BYSL: variants seen among roughly 807,000 people sequenced by gnomAD.
BYSL encodes bystin.
In BYSL, 21 loss-of-function variants were observed where a neutral mutation model predicts 45.4. The observed-to-expected ratio is 0.46, with a 90% confidence interval of 0.33 to 0.67. The LOEUF (loss-of-function observed/expected upper bound fraction) is 0.67. Among genes scored for constraint, BYSL ranks in the 30% least tolerant of loss-of-function variants. The pLI is 0.02. For synonymous variants in BYSL, 215 were observed against 231.3 expected, an observed-to-expected ratio of 0.93 and a Z score of 0.64; for missense variants, 522 against 578.5, an observed-to-expected ratio of 0.90 and a Z score of 1.00.
chr6:41,931,348 C>T (rs1239557187), intron 4 of BYSL, 48 bp from the exon 5 acceptor site: 2 of 1,605,954 alleles, frequency 1.2e-6, no homozygotes, highest in Admixed American at 1.7e-5. Context: ...TGGGCCGGGT[C>T]CAGACTGTCG....
the BYSL span, among the ~76,000 whole-genome samples, chr6:41,916,310 T>A: frequency 6.6e-6 from 1 of 151,438 alleles, no homozygotes; most frequent in East Asian, 1.9e-4. Context: ...CCGGGCACAG[T>A]GGCTCACGCC....
At chr6:41,911,465 AC>A in the BYSL span, among the ~76,000 whole-genome samples, 3 of 152,088 alleles carry the variant, frequency 2.0e-5, no homozygotes, top group South Asian at 6.2e-4. Context: ...TAGGCTAAAA[AC>A]TTTTTGAAAG....
chr6:41,917,260 C>T (rs1392495392), upstream of BYSL, among the ~76,000 whole-genome samples: 1 of 152,032 alleles, frequency 6.6e-6, no homozygotes, highest in African/African-American at 2.4e-5. Context: ...ATTAGCTGGG[C>T]GTGGTAGCGG....
Position 41,932,506 on chromosome 6 carries a change from C to G in BYSL, c.1114C>G (p.Arg372Gly). ...FHFLGFRTEK[R>G]ELPVLWHQCL... is the part of the protein sequence containing the mutation. ...CTTCCTGGGGTTCCGGACAGAGAAGCGTGAACTGCCTGTGCTGTGGCACCA... is the reference window on the plus strand; with the variant it reads ...CTTCCTGGGGTTCCGGACAGAGAAGGGTGAACTGCCTGTGCTGTGGCACCA... Residue 372 changes from arginine (R) to glycine (G), a missense_variant, in exon 7 of 7, where the codon CGT becomes GGT. Coordinates refer to ENST00000230340, the MANE Select transcript of BYSL (RefSeq NM_004053.4). The surrounding 1 kb of genome is among the most constrained non-coding windows in gnomAD (Gnocchi z 4.7). 1.2e-6 allele frequency: 2 copies of G among 1,614,192 alleles called. No homozygotes were observed. Among genetic ancestry groups the G allele is most frequent in the Non-Finnish European group, 1.7e-6 (2 of 1,180,038 alleles).
intron 4 of BYSL, 88 bp downstream of exon 4, chr6:41,930,856 G>A: frequency 6.7e-7 from 1 of 1,490,972 alleles, no homozygotes; most frequent in Non-Finnish European, 8.9e-7. Flanking sequence ...CTGGCCCCAG[G>A]GCATTTGAGC....
intron 1 of BYSL, among the ~76,000 whole-genome samples, chr6:41,926,358 C>T (rs966602435): frequency 1.3e-5 from 2 of 152,174 alleles, no homozygotes; most frequent in Non-Finnish European, 2.9e-5. Flanking sequence ...TCATTTGAAA[C>T]TGGGTATAGT....
At chr6:41,916,534 C>T (rs909022565), upstream of BYSL, among the ~76,000 whole-genome samples, 1 of 151,876 alleles carries the variant, frequency 6.6e-6, no homozygotes, top group Non-Finnish European at 1.5e-5. Flanking sequence ...GAGCTGAGAT[C>T]GCACCATTGC....
At position 41,930,256 on chromosome 6, in the gene BYSL, AG is replaced by A; in HGVS notation, c.562del (p.Val188SerfsTer54). The part of the protein sequence containing the change: ...QLDPRVLEVY[R>X]GVREVLSKYR... Reference sequence around the variant, plus strand: ...GGACCCCCGGGTCCTAGAAGTGTACAGGGGGGTCCGGGAGGTAAGAGCTGAG... The same window carrying A: ...GGACCCCCGGGTCCTAGAAGTGTACAGGGGGTCCGGGAGGTAAGAGCTGAG... On this transcript the variant is annotated frameshift_variant, in exon 3 of 7. Transcript: ENST00000230340. LOFTEE classifies it high-confidence loss of function. 1 of 1,614,052 alleles carries A rather than the reference AG, an allele frequency of 6.2e-7. No homozygotes were observed. The highest frequency in any genetic ancestry group is 1.3e-5 in the African/African-American group (1 of 75,038).
At chr6:41,917,778 G>T, upstream of BYSL, 1 of 471,336 alleles carries the variant, frequency 2.1e-6, no homozygotes. Context: ...TCTCCGTTTG[G>T]GTTAACATGT....
chr6:41,917,883 T>A (rs557348733), upstream of BYSL: 54 of 420,326 alleles, frequency 1.3e-4, no homozygotes, highest in East Asian at 4.0e-3. Flanking sequence ...TTAGAGAACA[T>A]TTCCATCATC....
chr6:41,916,960 T>C (rs1373816047), upstream of BYSL: 1 of 1,613,134 alleles, frequency 6.2e-7, no homozygotes, highest in East Asian at 2.2e-5. Flanking sequence ...GAGCACCAAA[T>C]CGTCAGTTAT....
intron 2 of BYSL, among the ~76,000 whole-genome samples, chr6:41,929,902 A>C (rs988236226): frequency 1.3e-5 from 2 of 152,248 alleles, no homozygotes; most frequent in African/African-American, 2.4e-5. Context: ...CCTCCGTACA[A>C]CTGCTAGCTT....
At chr6:41,916,675 CAT>C (rs1174820347), upstream of BYSL, 15 of 1,348,024 alleles carry the variant, frequency 1.1e-5, no homozygotes, top group Non-Finnish European at 1.5e-5. Flanking sequence ...CATCTCGCCA[CAT>C]GTTTAAGAAT....
At chr6:41,929,355 G>C (rs1234867099) in intron 2 of BYSL, among the ~76,000 whole-genome samples, 2 of 152,256 alleles carry the variant, frequency 1.3e-5, no homozygotes, top group African/African-American at 4.8e-5. Context: ...AAAACTAGCT[G>C]GGCCTTGTAC....
At chr6:41,911,683 G>C in the BYSL span, among the ~76,000 whole-genome samples, 1 of 151,994 alleles carries the variant, frequency 6.6e-6, no homozygotes, top group Non-Finnish European at 1.5e-5. Context: ...AACTGAAAAG[G>C]GTGCGAGGGC....
Position 41,929,488 on chromosome 6 carries a change from ACT to A in BYSL, c.432-636_432-635del, listed in dbSNP as rs377428751. ...ATGCCAACCTGGGCAACAGAGGTAG[ACT>A]CTCTCTCAAAAAAAATAAATAAATA... On this transcript the variant is annotated intron_variant, in intron 2 of 6. Coordinates refer to ENST00000230340, the MANE Select transcript of BYSL (RefSeq NM_004053.4). 1.2e-3 allele frequency among the ~76,000 whole-genome samples: 182 copies of A among 152,118 alleles called. 2 individuals carry two copies. Among genetic ancestry groups the A allele is most frequent in the African/African-American group, 4.2e-3 (175 of 41,496 alleles).
rs1195641055 is a variant in BYSL at position 41,927,634 on chromosome 6, C to G, written c.431+98C>G. 7 of 1,468,730 alleles carry G rather than the reference C, an allele frequency of 4.8e-6. 1 individual carries two copies. In the African/African-American group the frequency reaches 9.8e-5, roughly 21 times the overall value. The allele number at this position is 1,468,730 out of a possible 1,614,324, so 91.0% of individuals were successfully genotyped here. On this transcript the variant is annotated intron_variant, in intron 2 of 6. Transcript: ENST00000230340. ...TATGATTCCCTACCTTTGGAAAGGG[C>G]CCTGGAGTTGCTAGCTGTAGGGGAC...
At chr6:41,930,500 A>G (rs1475260756) in intron 3 of BYSL, 135 bp from the exon 4 acceptor site, 1 of 1,303,212 alleles carries the variant, frequency 7.7e-7, no homozygotes, top group Non-Finnish European at 1.0e-6. Flanking sequence ...AATGAGCATA[A>G]TAATGGCACC....
the BYSL span, chr6:41,909,305 G>A: frequency 1.5e-5 from 24 of 1,613,948 alleles, no homozygotes; most frequent in Non-Finnish European, 1.9e-5. Context: ...GCCCCATTGT[G>A]ACCGTGCCCA....
Sources: gnomAD v4.1 joint callset for allele counts (sites outside exome capture counted in the v4.1 genomes callset) on GRCh38, gnomAD v4.1.1 for gene constraint, Gnocchi (gnomAD v3.1) non-coding constraint, MANE v1.5 for transcripts, NCBI Gene and HGNC (gene_info 2026-07-23, HGNC 2026-07-21) for gene names.